ADAMTSL1: variants seen among roughly 807,000 people sequenced by gnomAD.
The protein encoded by ADAMTSL1 is ADAMTS-like protein 1.
ADAMTSL1 carries 126 observed loss-of-function variants against 201.8 expected under a neutral mutation model. The ratio of observed to expected loss-of-function variants is 0.62; its 90% CI spans 0.54 to 0.72. ADAMTSL1 has a LOEUF of 0.72. ADAMTSL1 is among the 30% of genes least tolerant of loss of function. ADAMTSL1 has a pLI of 0.00. For synonymous variants in ADAMTSL1, 1,121 were observed against 903.4 expected (o/e 1.24, Z -4.32); for missense variants, 2,679 against 2,277.8 (o/e 1.18, Z -3.59).
intron 2 of ADAMTSL1, among the ~76,000 whole-genome samples, chr9:18,410,297 G>T (rs1818381013): frequency 6.6e-6 from 1 of 151,906 alleles, no homozygotes; most frequent in Admixed American, 6.6e-5. Context: ...TTACTGTGCA[G>T]ATCATCCTAT....
At chr9:18,867,142 G>C (rs1340501088) in intron 23 of ADAMTSL1, among the ~76,000 whole-genome samples, 1 of 152,212 alleles carries the variant, frequency 6.6e-6, no homozygotes, top group Non-Finnish European at 1.5e-5. Flanking sequence ...GGACAGATAT[G>C]AAGGGACTAG....
At chr9:18,833,553 G>GT (rs1563840444) in intron 23 of ADAMTSL1, among the ~76,000 whole-genome samples, 1 of 151,934 alleles carries the variant, frequency 6.6e-6, no homozygotes, top group Non-Finnish European at 1.5e-5. Flanking sequence ...ATGCAATTGT[G>GT]TTTTTTTGTA....
chr9:18,219,424 A>G (rs1488561906), intron 2 of ADAMTSL1, among the ~76,000 whole-genome samples: 2 of 151,828 alleles, frequency 1.3e-5, no homozygotes, highest in Non-Finnish European at 2.9e-5. Context: ...GCTGAAGTGC[A>G]GTGGCACAAC....
intron 4 of ADAMTSL1, among the ~76,000 whole-genome samples, chr9:18,612,789 A>C (rs1177654503): frequency 6.6e-6 from 1 of 152,230 alleles, no homozygotes; most frequent in Non-Finnish European, 1.5e-5. Flanking sequence ...TGTAGGCAAT[A>C]CCATTCTGGA....
intron 1 of ADAMTSL1, among the ~76,000 whole-genome samples, chr9:18,012,294 C>T (rs1359362828): frequency 6.6e-6 from 1 of 151,992 alleles, no homozygotes; most frequent in East Asian, 1.9e-4. Context: ...GAAAAAGTTG[C>T]TGCTTTCCAG....
chr9:18,439,270 C>A (rs1819890434), intron 2 of ADAMTSL1, among the ~76,000 whole-genome samples: 3 of 152,186 alleles, frequency 2.0e-5, no homozygotes, highest in South Asian at 4.1e-4. Context: ...GAACAGATAA[C>A]ACTGTAACAC....
At chr9:18,555,995 T>TA (rs200463522) in intron 3 of ADAMTSL1, among the ~76,000 whole-genome samples, 28 of 151,254 alleles carry the variant, frequency 1.9e-4, no homozygotes, top group East Asian at 7.7e-4. Flanking sequence ...TAAAGTATAA[T>TA]AAAAAAAATA....
At chr9:18,828,199 T>A (rs1033480628) in intron 22 of ADAMTSL1, among the ~76,000 whole-genome samples, 1 of 152,168 alleles carries the variant, frequency 6.6e-6, no homozygotes, top group Non-Finnish European at 1.5e-5. Context: ...AGGAGAAATA[T>A]AAGTGGTGGC....
At chr9:18,631,526 T>C (rs1307148677) in intron 5 of ADAMTSL1, among the ~76,000 whole-genome samples, 1 of 152,184 alleles carries the variant, frequency 6.6e-6, no homozygotes, top group Non-Finnish European at 1.5e-5. Context: ...GTCAGCTCCA[T>C]AGGCATAGAG....
At chr9:18,822,919 G>A (rs1427418016) in intron 21 of ADAMTSL1, among the ~76,000 whole-genome samples, 1 of 152,142 alleles carries the variant, frequency 6.6e-6, no homozygotes, top group Non-Finnish European at 1.5e-5. Flanking sequence ...GAACATTCAA[G>A]GGCTGGTGAC....
intron 1 of ADAMTSL1, among the ~76,000 whole-genome samples, chr9:18,075,765 A>C (rs1157002726): frequency 6.6e-6 from 1 of 152,226 alleles, no homozygotes; most frequent in Non-Finnish European, 1.5e-5. Context: ...AGGCTGAATT[A>C]GTGCTGACCC....
chr9:18,134,268 C>T (rs143103191), intron 1 of ADAMTSL1, among the ~76,000 whole-genome samples: 28 of 152,238 alleles, frequency 1.8e-4, no homozygotes, highest in African/African-American at 6.0e-4. Context: ...ACAGGATGTC[C>T]GGTGTGCTGC....
chr9:18,747,053 A>C (rs963268585), intron 15 of ADAMTSL1, among the ~76,000 whole-genome samples: 8 of 152,086 alleles, frequency 5.3e-5, no homozygotes, highest in African/African-American at 1.9e-4. Context: ...TCATTTTGTC[A>C]CTTGTGATTT....
chr9:18,539,132 T>G (rs911850233), intron 3 of ADAMTSL1, among the ~76,000 whole-genome samples: 7 of 152,206 alleles, frequency 4.6e-5, no homozygotes, highest in Non-Finnish European at 2.9e-5. Flanking sequence ...TAAGGCATGA[T>G]GCTACTTGCC....
intron 1 of ADAMTSL1, among the ~76,000 whole-genome samples, chr9:17,931,338 G>A (rs556723264): frequency 5.4e-5 from 8 of 149,508 alleles, no homozygotes; most frequent in Middle Eastern, 3.4e-3. Context: ...TCAGTCTGGT[G>A]GGTGAGGTGG....
intron 3 of ADAMTSL1, among the ~76,000 whole-genome samples, chr9:18,537,457 G>T (rs1819842887): frequency 6.6e-6 from 1 of 152,158 alleles, no homozygotes; most frequent in Non-Finnish European, 1.5e-5. Context: ...TATACCTAAA[G>T]TCTAGTGGGC....
intron 2 of ADAMTSL1, among the ~76,000 whole-genome samples, chr9:18,295,122 T>C (rs934487158): frequency 9.9e-5 from 15 of 152,114 alleles, no homozygotes; most frequent in African/African-American, 3.4e-4. Context: ...ACCTGTATGC[T>C]GCACTATATA....
intron 3 of ADAMTSL1, among the ~76,000 whole-genome samples, chr9:18,557,685 C>T (rs971295264): frequency 6.6e-6 from 1 of 152,004 alleles, no homozygotes; most frequent in African/African-American, 2.4e-5. Context: ...ATGCTACAGT[C>T]TTCTACAAGC....
chr9:18,010,769 A>C (rs190572788), intron 1 of ADAMTSL1, among the ~76,000 whole-genome samples: 1 of 152,042 alleles, frequency 6.6e-6, no homozygotes, highest in East Asian at 2.0e-4. Flanking sequence ...TATTCTGCGC[A>C]ATTACCAAAC....
Sources: gnomAD v4.1 joint callset for allele counts (sites outside exome capture counted in the v4.1 genomes callset) on GRCh38, gnomAD v4.1.1 for gene constraint, MANE v1.5 for transcripts, NCBI Gene and HGNC (gene_info 2026-07-23, HGNC 2026-07-21) for gene names.